AGBL1: variants seen among roughly 807,000 people sequenced by gnomAD.
AGBL1 encodes the protein AGBL carboxypeptidase 1.
Under a neutral mutation model 118.9 loss-of-function variants are expected in AGBL1, and 130 were observed. The observed-to-expected ratio is 1.09, with a 90% CI of 0.95 to 1.26. The LOEUF is 1.26. Ranked by LOEUF, AGBL1 falls within the 50% of genes most tolerant of loss-of-function variation. The probability of loss-of-function intolerance (pLI) is 0.00; values close to 1 mark genes in which losing one functional copy is unlikely to be tolerated. For missense variants in AGBL1, 1,584 were observed against 1,298.1 expected, an observed-to-expected ratio of 1.22 and a Z score of -3.38; for synonymous variants, 555 against 478.9, an observed-to-expected ratio of 1.16 and a Z score of -2.08.
chr15:86,874,411 C>CT lies in AGBL1; in HGVS notation c.3159-32675dup, dbSNP rs2079775814. Among the ~76,000 whole-genome samples the CT allele has an allele frequency of 5.3e-5, 8 of 152,174 alleles. No homozygotes were observed. The South Asian group carries it at 1.5e-3, about 28-fold the overall frequency. ...ACACACACACACACACACACACACCCTGGGGCCAGTAACCTATGCATAATA... is the reference window on the plus strand; with the variant it reads ...ACACACACACACACACACACACACCCTTGGGGCCAGTAACCTATGCATAATA... On this transcript the variant is annotated intron_variant, in intron 22 of 22. Coordinates refer to ENST00000614907, the MANE Select transcript of AGBL1 (RefSeq NM_001386094.1).
chr15:86,693,431 C>T (rs774203163), intron 22 of AGBL1, among the ~76,000 whole-genome samples: 13 of 151,788 alleles, frequency 8.6e-5, no homozygotes, highest in African/African-American at 1.7e-4. Flanking sequence ...TATCCTTAGC[C>T]CACTTTTTTG....
intron 17 of AGBL1, among the ~76,000 whole-genome samples, chr15:86,366,615 C>T (rs2080891153): frequency 6.6e-6 from 1 of 152,160 alleles, no homozygotes; most frequent in Non-Finnish European, 1.5e-5. Flanking sequence ...CTCTCCCAGA[C>T]ATCTTGCCCG....
Position 86,773,783 on chromosome 15 carries a change from AAAAG to A in AGBL1, c.3158+99351_3158+99354del, listed in dbSNP as rs1172436868. Reference sequence around the variant, plus strand: ...CACTAGTTGGCTCTGTATCCACTGAAAAAGAAAAAAGCAGAGCAGCTAGGTGTGT... The same window carrying A: ...CACTAGTTGGCTCTGTATCCACTGAAAAAAAAGCAGAGCAGCTAGGTGTGT... On this transcript the variant is annotated intron_variant, in intron 22 of 22. Transcript: ENST00000614907. Among the ~76,000 whole-genome samples, 15 of 152,062 alleles carry A rather than the reference AAAAG, an allele frequency of 9.9e-5. No homozygotes were observed. In the East Asian group the frequency reaches 1.8e-3, roughly 18 times the overall value.
intron 18 of AGBL1, among the ~76,000 whole-genome samples, chr15:86,404,199 C>T (rs772009295): frequency 2.0e-4 from 31 of 152,208 alleles, no homozygotes; most frequent in Admixed American, 7.9e-4. Flanking sequence ...GCAGCCTTGC[C>T]CAGATTTCTG....
intron 23 of AGBL1, among the ~76,000 whole-genome samples, chr15:86,944,412 T>C (rs931666930): frequency 6.6e-6 from 1 of 152,014 alleles, no homozygotes; most frequent in Non-Finnish European, 1.5e-5. Flanking sequence ...GGCAGGCATG[T>C]TTCAGGATGG....
intron 21 of AGBL1, among the ~76,000 whole-genome samples, chr15:86,647,148 T>C (rs758529801): frequency 1.2e-4 from 19 of 152,184 alleles, no homozygotes; most frequent in Non-Finnish European, 2.5e-4. Context: ...CAACCATATT[T>C]GAGCTAGAAT....
chr15:86,453,669 A>G (rs1447633567), intron 18 of AGBL1, among the ~76,000 whole-genome samples: 1 of 152,164 alleles, frequency 6.6e-6, no homozygotes, highest in Non-Finnish European at 1.5e-5. Context: ...CATCTTTTCC[A>G]GTGCCTGACC....
At chr15:86,561,341 G>T (rs1454658352) in intron 21 of AGBL1, among the ~76,000 whole-genome samples, 1 of 152,206 alleles carries the variant, frequency 6.6e-6, no homozygotes, top group Non-Finnish European at 1.5e-5. Context: ...TATATAAGGT[G>T]TAAGGAAGGG....
intron 23 of AGBL1, among the ~76,000 whole-genome samples, chr15:86,945,942 C>T (rs554480028): frequency 6.6e-6 from 1 of 152,254 alleles, no homozygotes; most frequent in Admixed American, 6.5e-5. Flanking sequence ...ATTAAAGTGC[C>T]TTCATGTGCG....
At chr15:86,938,581 C>G (rs898550738) in intron 23 of AGBL1, among the ~76,000 whole-genome samples, 1 of 152,160 alleles carries the variant, frequency 6.6e-6, no homozygotes, top group Non-Finnish European at 1.5e-5. Flanking sequence ...GACACTCAGC[C>G]ATTCCAAGCA....
chr15:86,110,725 G>A (rs1374149732), intron 1 of AGBL1, among the ~76,000 whole-genome samples: 1 of 152,140 alleles, frequency 6.6e-6, no homozygotes, highest in East Asian at 1.9e-4. Flanking sequence ...TTTGAAGTGA[G>A]AAGTTCAAAT....
At chr15:86,330,482 C>A (rs891682943) in intron 17 of AGBL1, among the ~76,000 whole-genome samples, 8 of 152,136 alleles carry the variant, frequency 5.3e-5, no homozygotes, top group Admixed American at 1.3e-4. Context: ...AGAAAAAATT[C>A]CACTTACGTG....
At chr15:86,365,470 G>T (rs1003152922) in intron 17 of AGBL1, among the ~76,000 whole-genome samples, 2 of 152,084 alleles carry the variant, frequency 1.3e-5, no homozygotes, top group African/African-American at 4.8e-5. Flanking sequence ...AGATGGAGGG[G>T]TGCAACTGTC....
intron 22 of AGBL1, among the ~76,000 whole-genome samples, chr15:86,848,703 G>T (rs2079355170): frequency 6.6e-6 from 1 of 152,142 alleles, no homozygotes; most frequent in African/African-American, 2.4e-5. Flanking sequence ...TTTGGGCTCT[G>T]GCTGATGATC....
chr15:86,840,784 ATCT>A (rs1237569329), intron 22 of AGBL1, among the ~76,000 whole-genome samples: 3 of 151,958 alleles, frequency 2.0e-5, no homozygotes, highest in African/African-American at 7.3e-5. Context: ...TTTTATTCTC[ATCT>A]TCTTTTTATC....
intron 22 of AGBL1, among the ~76,000 whole-genome samples, chr15:86,839,200 G>A (rs1362618125): frequency 6.6e-6 from 1 of 152,106 alleles, no homozygotes; most frequent in Non-Finnish European, 1.5e-5. Context: ...AACATCAAAA[G>A]ACAAGAAAAC....
At position 87,014,562 on chromosome 15, in the gene AGBL1, C is replaced by G. The variant is rs560314723; in HGVS notation, c.3324-14263C>G. 3.5e-4 allele frequency among the ~76,000 whole-genome samples: 53 copies of G among 152,058 alleles called. 1 individual carries two copies. Among genetic ancestry groups the G allele is most frequent in the Admixed American group, 1.4e-3 (21 of 15,252 alleles). On this transcript the variant is annotated intron_variant, in intron 24 of 24. Transcript: ENST00000441037. ...AAAATGTTTCTCTACAACATTAGAT[C>G]TAGGCGAGTTATTATGATTACCTCT...
intron 21 of AGBL1, among the ~76,000 whole-genome samples, chr15:86,589,912 A>G (rs1029893351): frequency 6.6e-6 from 1 of 152,214 alleles, no homozygotes; most frequent in African/African-American, 2.4e-5. Flanking sequence ...GCTATCTTGT[A>G]TAGCTACAGT....
At chr15:86,714,064 T>C (rs1379145978) in intron 22 of AGBL1, among the ~76,000 whole-genome samples, 2 of 152,122 alleles carry the variant, frequency 1.3e-5, no homozygotes, top group Non-Finnish European at 2.9e-5. Flanking sequence ...GCAACACATG[T>C]GGACACCAGC....
Sources: gnomAD v4.1 joint callset for allele counts (sites outside exome capture counted in the v4.1 genomes callset) on GRCh38, gnomAD v4.1.1 for gene constraint, MANE v1.5 for transcripts, NCBI Gene and HGNC (gene_info 2026-07-23, HGNC 2026-07-21) for gene names.